The following CSMD3 variants were observed in gnomAD, a reference collection of about 807,000 sequenced individuals.
CSMD3 encodes the protein CUB and sushi domain-containing protein 3.
CSMD3 carries 177 observed loss-of-function variants against 435.2 expected under a neutral mutation model. The ratio of observed to expected loss-of-function variants is 0.41; its 90% CI spans 0.36 to 0.46. CSMD3 has a LOEUF of 0.46. Ranked by LOEUF, CSMD3 falls within the 20% of genes least tolerant of loss-of-function variation. CSMD3 has a pLI of 0.34. For missense variants in CSMD3, 4,265 were observed against 4,504.6 expected (o/e 0.95, Z 1.52); for synonymous variants, 1,656 against 1,520.5 (o/e 1.09, Z -2.07).
intron 40 of CSMD3, among the ~76,000 whole-genome samples, chr8:112,348,715 G>A (rs2131038795): frequency 6.6e-6 from 1 of 151,906 alleles, no homozygotes; most frequent in South Asian, 2.1e-4. Context: ...TGACCAACAT[G>A]GTGAAACCCC....
rs77858029 is a variant in CSMD3 at position 112,783,656 on chromosome 8, G to A, written c.1972+16506C>T. Among the ~76,000 whole-genome samples, 165 of 152,048 alleles carry A rather than the reference G, an allele frequency of 1.1e-3. 3 individuals are homozygous for A. The East Asian group carries it at 0.031, about 29-fold the overall frequency. On this transcript the variant is annotated intron_variant, in intron 13 of 70. Coordinates refer to ENST00000297405, the MANE Select transcript of CSMD3 (RefSeq NM_198123.2). Reference sequence around the variant, plus strand: ...ATCAAGAGACATAGAGTGACTAAATGGATTTTTAAAAAGTCCTAAATATCT... The same window carrying A: ...ATCAAGAGACATAGAGTGACTAAATAGATTTTTAAAAAGTCCTAAATATCT...
At chr8:112,412,084 T>C (rs1213857240) in intron 32 of CSMD3, among the ~76,000 whole-genome samples, 2 of 152,124 alleles carry the variant, frequency 1.3e-5, no homozygotes, top group African/African-American at 4.8e-5. Context: ...AATTTATCTA[T>C]TAACCATCTA....
At position 113,436,844 on chromosome 8, in the gene CSMD3, A is replaced by T. The variant is rs745371930; in HGVS notation, c.11T>A (p.Ile4Asn). MKGIRKGESRAKES... is the reference protein window; with the variant it reads MKGNRKGESRAKES... Reference sequence around the variant, plus strand: ...CTTTGCTCGGCTTTCCCCTTTGCGGATCCCTTTCATATTATTCGCGAGCTC... The same window carrying T: ...CTTTGCTCGGCTTTCCCCTTTGCGGTTCCCTTTCATATTATTCGCGAGCTC... The change falls in exon 1 of 71, where the codon ATC becomes AAC. Residue 4 changes from isoleucine to asparagine, a missense_variant. This residue lies in a region of CSMD3 where 731 missense variants were observed against 755.4 expected (regional missense o/e 0.97). Coordinates refer to ENST00000297405, the MANE Select transcript of CSMD3 (RefSeq NM_198123.2). The T allele has an allele frequency of 1.2e-5, 20 of 1,613,994 alleles. No homozygotes were observed. The Middle Eastern group carries it at 5.0e-4, about 40-fold the overall frequency.
At chr8:112,298,791 A>G (rs916893170) in intron 53 of CSMD3, among the ~76,000 whole-genome samples, 3 of 152,146 alleles carry the variant, frequency 2.0e-5, no homozygotes, top group African/African-American at 7.2e-5. Context: ...AATGGAGAGA[A>G]AAAGAAAGTT....
At chr8:113,108,593 C>A (rs2090550900) in intron 4 of CSMD3, among the ~76,000 whole-genome samples, 1 of 152,004 alleles carries the variant, frequency 6.6e-6, no homozygotes, top group South Asian at 2.1e-4. Flanking sequence ...GTATGTAGGA[C>A]ATTTTTTTAA....
At chr8:112,975,417 G>A (rs1196087027) in intron 7 of CSMD3, among the ~76,000 whole-genome samples, 2 of 151,994 alleles carry the variant, frequency 1.3e-5, no homozygotes, top group African/African-American at 4.8e-5. Flanking sequence ...AAAATATCAT[G>A]CAAACGCTAA....
At chr8:112,627,588 G>T (rs890819201) in intron 22 of CSMD3, among the ~76,000 whole-genome samples, 15 of 152,148 alleles carry the variant, frequency 9.9e-5, no homozygotes, top group Admixed American at 5.9e-4. Context: ...ATTTTGGCTT[G>T]TAACAAGATT....
In CSMD3 at chr8:113,251,823, C is replaced by A. The variant is rs1384107109; in HGVS notation, c.514+26769G>T. On this transcript the variant is annotated intron_variant, in intron 3 of 70. Transcript: ENST00000297405. ...GAATTCTCCATGATCTAACACTTTT[C>A]TGATTCACTTGACAGAGTTTTTATG... Among the ~76,000 whole-genome samples, 23 of 152,144 alleles carry A rather than the reference C, an allele frequency of 1.5e-4. 2 individuals are homozygous for A. The highest frequency in any genetic ancestry group is 1.3e-3 in the Admixed American group (20 of 15,266).
chr8:112,270,422 A>G (rs1415417954), intron 59 of CSMD3, among the ~76,000 whole-genome samples: 1 of 139,120 alleles, frequency 7.2e-6, no homozygotes, highest in Non-Finnish European at 1.6e-5. Flanking sequence ...AGAGCAAATG[A>G]AAAGGTATAG....
intron 32 of CSMD3, among the ~76,000 whole-genome samples, chr8:112,434,525 C>G (rs572923367): frequency 2.0e-5 from 3 of 152,158 alleles, no homozygotes; most frequent in Admixed American, 2.0e-4. Context: ...CCACATAATA[C>G]CATCTAAAAT....
At chr8:112,760,132 C>T (rs2077801968) in intron 13 of CSMD3, among the ~76,000 whole-genome samples, 1 of 152,078 alleles carries the variant, frequency 6.6e-6, no homozygotes, top group Admixed American at 6.6e-5. Context: ...ATCAATTTTG[C>T]TAAAAATTTT....
intron 10 of CSMD3, among the ~76,000 whole-genome samples, chr8:112,889,488 AT>A (rs1259351783): frequency 1.3e-5 from 2 of 151,684 alleles, no homozygotes; most frequent in African/African-American, 4.8e-5. Context: ...CCAGCCTAGC[AT>A]TAGTTTATTT....
intron 27 of CSMD3, among the ~76,000 whole-genome samples, chr8:112,520,189 A>C (rs1824124887): frequency 6.6e-6 from 1 of 152,122 alleles, no homozygotes; most frequent in Non-Finnish European, 1.5e-5. Context: ...TTCAGAATAG[A>C]GACCAATAAA....
At chr8:113,123,911 T>A (rs1328814353) in intron 4 of CSMD3, among the ~76,000 whole-genome samples, 1 of 151,998 alleles carries the variant, frequency 6.6e-6, no homozygotes, top group Non-Finnish European at 1.5e-5. Context: ...CATCTTACTC[T>A]CAAAAAATCT....
At chr8:113,188,404 T>C (rs1353572109) in intron 3 of CSMD3, among the ~76,000 whole-genome samples, 1 of 151,968 alleles carries the variant, frequency 6.6e-6, no homozygotes, top group Non-Finnish European at 1.5e-5. Flanking sequence ...ATGAGAAATC[T>C]CAAATTATTT....
Position 112,265,569 on chromosome 8 carries a change from C to T in CSMD3, c.9530G>A (p.Gly3177Asp), listed in dbSNP as rs774032664. 1.2e-6 allele frequency: 2 copies of T among 1,613,112 alleles called. No individual in the cohort carries two copies. Among genetic ancestry groups the T allele is most frequent in the South Asian group, 1.1e-5 (1 of 91,078 alleles). The change falls in exon 60 of 71, where the codon GGT becomes GAT. Residue 3177 changes from glycine (G) to aspartate (D), a missense_variant. Gly to Asp is a moderately conservative substitution (Grantham distance 94). This residue lies in a region of CSMD3 where 3,255 missense variants were observed against 3,380.2 expected (regional missense o/e 0.96). Coordinates refer to ENST00000297405, the MANE Select transcript of CSMD3 (RefSeq NM_198123.2). Reference protein sequence around the residue: ...NCTIISCGDPGIPANGLRYGD... With the variant: ...NCTIISCGDPDIPANGLRYGD... Reference sequence around the variant, plus strand: ...ATATCTCAGTCCATTGGCTGGTATACCTGGGTCTCCACAACTGATTACTGT... The same window carrying T: ...ATATCTCAGTCCATTGGCTGGTATATCTGGGTCTCCACAACTGATTACTGT...
chr8:113,383,555 G>T (rs938524861), intron 1 of CSMD3, among the ~76,000 whole-genome samples: 3 of 152,034 alleles, frequency 2.0e-5, no homozygotes, highest in African/African-American at 7.3e-5. Flanking sequence ...AAAGATAAGG[G>T]CTCTGAGAAT....
chr8:113,221,537 CAAAGT>C (rs2092966879), intron 3 of CSMD3, among the ~76,000 whole-genome samples: 1 of 151,096 alleles, frequency 6.6e-6, no homozygotes, highest in Non-Finnish European at 1.5e-5. Context: ...TAATATAAAG[CAAAGT>C]AAAGAGACCC....
intron 38 of CSMD3, among the ~76,000 whole-genome samples, chr8:112,368,210 GT>G (rs1827973551): frequency 6.6e-6 from 1 of 152,036 alleles, no homozygotes; most frequent in South Asian, 2.1e-4. Flanking sequence ...TTTTGATGAG[GT>G]TTTCCCTGAC....
Sources: gnomAD v4.1 joint callset for allele counts (sites outside exome capture counted in the v4.1 genomes callset) on GRCh38, gnomAD v4.1.1 for gene constraint, gnomAD v4.1.1 regional missense constraint, MANE v1.5 for transcripts, NCBI Gene and HGNC (gene_info 2026-07-23, HGNC 2026-07-21) for gene names.